Variants in MBNL1 observed in about 807,000 individuals in gnomAD.
MBNL1 encodes the protein muscleblind like splicing regulator 1.
In MBNL1, 8 loss-of-function variants were observed where a neutral mutation model predicts 42.2. That is an observed-to-expected ratio of 0.19 (90% CI 0.11 to 0.34). The LOEUF is 0.34. Among genes scored for constraint, MBNL1 ranks in the 10% least tolerant of loss-of-function variants. The probability of loss-of-function intolerance (pLI) is 1.00; values close to 1 mark genes in which losing one functional copy is unlikely to be tolerated. For missense variants in MBNL1, 309 were observed against 495.3 expected (o/e 0.62, Z 3.57); for synonymous variants, 169 against 173.9 (o/e 0.97, Z 0.22).
intron 1 of MBNL1, among the ~76,000 whole-genome samples, chr3:152,276,909 A>G (rs2045559417): frequency 6.6e-6 from 1 of 152,140 alleles, no homozygotes; most frequent in Admixed American, 6.6e-5. Flanking sequence ...GAGTGGCCCT[A>G]GAATGAAAAG....
chr3:152,441,094 G>A (rs1348287567), intron 4 of MBNL1, among the ~76,000 whole-genome samples: 1 of 152,106 alleles, frequency 6.6e-6, no homozygotes, highest in Non-Finnish European at 1.5e-5. Context: ...AGATGACTGA[G>A]TTAATTATAC....
intron 4 of MBNL1, among the ~76,000 whole-genome samples, chr3:152,434,638 A>G (rs1039575902): frequency 6.6e-6 from 1 of 152,184 alleles, no homozygotes; most frequent in Non-Finnish European, 1.5e-5. Context: ...GTGTTCCACA[A>G]TGGTTGAATT....
At chr3:152,458,116 G>A (rs1737398643) in intron 8 of MBNL1, 1 of 1,613,104 alleles carries the variant, frequency 6.2e-7, no homozygotes, top group Non-Finnish European at 8.5e-7. Flanking sequence ...AAGGTCCTTG[G>A]TATGTTTCGA....
At chr3:152,284,479 C>A in intron 1 of MBNL1, among the ~76,000 whole-genome samples, 1 of 151,870 alleles carries the variant, frequency 6.6e-6, no homozygotes, top group East Asian at 1.9e-4. Flanking sequence ...CATTTCAAAC[C>A]CTCAGTGCTT....
intron 6 of MBNL1, among the ~76,000 whole-genome samples, chr3:152,449,878 G>A (rs150403847): frequency 0.033 from 5,072 of 152,166 alleles, 288 homozygotes; most frequent in African/African-American, 0.12. Context: ...GCCGAGGCAG[G>A]TGGCTCACTT....
chr3:152,404,607 TAA>T (rs1379619597), intron 2 of MBNL1, among the ~76,000 whole-genome samples: 1 of 151,944 alleles, frequency 6.6e-6, no homozygotes, highest in East Asian at 1.9e-4. Context: ...TATTTCTCAA[TAA>T]AGACTTGCCC....
chr3:152,284,616 T>C (rs1036526377), intron 1 of MBNL1, among the ~76,000 whole-genome samples: 1 of 152,138 alleles, frequency 6.6e-6, no homozygotes, highest in African/African-American at 2.4e-5. Context: ...AAAATTGGCC[T>C]GACTATATTG....
intron 2 of MBNL1, among the ~76,000 whole-genome samples, chr3:152,307,191 T>A (rs761708284): frequency 1.3e-5 from 2 of 152,218 alleles, no homozygotes; most frequent in African/African-American, 2.4e-5. Context: ...GGTTTCACCG[T>A]GTTGGCCAGG....
At chr3:152,318,875 C>T (rs1006686871) in intron 2 of MBNL1, among the ~76,000 whole-genome samples, 5 of 152,138 alleles carry the variant, frequency 3.3e-5, no homozygotes, top group Non-Finnish European at 7.4e-5. Context: ...ATTGTAATAT[C>T]CTGCCTATTT....
chr3:152,372,348 G>T (rs2096704265), intron 2 of MBNL1, among the ~76,000 whole-genome samples: 1 of 152,178 alleles, frequency 6.6e-6, no homozygotes, highest in African/African-American at 2.4e-5. Context: ...CTGGCGAGGA[G>T]TTATGATCCC....
At chr3:152,335,408 A>G (rs2089137317) in intron 2 of MBNL1, among the ~76,000 whole-genome samples, 1 of 152,220 alleles carries the variant, frequency 6.6e-6, no homozygotes, top group African/African-American at 2.4e-5. Context: ...GATTCTGTAT[A>G]TGTTCCATAA....
intron 2 of MBNL1, among the ~76,000 whole-genome samples, chr3:152,402,384 A>G (rs557545828): frequency 1.3e-5 from 2 of 152,298 alleles, no homozygotes; most frequent in East Asian, 3.9e-4. Context: ...ATGAGGTTTA[A>G]TAATTAACCC....
At chr3:152,317,865 C>G (rs1228180572) in intron 2 of MBNL1, among the ~76,000 whole-genome samples, 13 of 152,288 alleles carry the variant, frequency 8.5e-5, no homozygotes. Context: ...TGGTCATTTA[C>G]CTTTTAATTG....
At chr3:152,348,283 A>G (rs1003950118) in intron 2 of MBNL1, among the ~76,000 whole-genome samples, 10 of 152,172 alleles carry the variant, frequency 6.6e-5, no homozygotes, top group Non-Finnish European at 1.2e-4. Flanking sequence ...ATTTGCTCAA[A>G]CAGGTGGATA....
chr3:152,348,457 A>T (rs927404074), intron 2 of MBNL1, among the ~76,000 whole-genome samples: 4 of 152,124 alleles, frequency 2.6e-5, no homozygotes, highest in African/African-American at 9.7e-5. Flanking sequence ...CAAAGAATTC[A>T]CTTAAAGAAC....
chr3:152,349,573 T>A (rs985495708), intron 2 of MBNL1, among the ~76,000 whole-genome samples: 1 of 152,152 alleles, frequency 6.6e-6, no homozygotes, highest in African/African-American at 2.4e-5. Context: ...ATCACTCAAC[T>A]GGAAGTGCTG....
At chr3:152,273,749 A>G (rs2043257206) in intron 1 of MBNL1, among the ~76,000 whole-genome samples, 1 of 152,192 alleles carries the variant, frequency 6.6e-6, no homozygotes, top group South Asian at 2.1e-4. Flanking sequence ...TATCATGCTC[A>G]TATGCTCCAA....
chr3:152,366,028 C>G (rs2096344011), intron 2 of MBNL1, among the ~76,000 whole-genome samples: 1 of 152,036 alleles, frequency 6.6e-6, no homozygotes, highest in Non-Finnish European at 1.5e-5. Flanking sequence ...ATTTCAGGAG[C>G]CTTCATTTCT....
Position 152,282,196 on chromosome 3 carries a change from A to G in MBNL1, c.-790+13104A>G, listed in dbSNP as rs2048897590. On this transcript the variant is annotated intron_variant, in intron 1 of 9. Transcript: ENST00000324210. ...TGAAAATATAGTATCCACAGACCCT[A>G]ATTAGAAACAAAATAAAGGTATTCT... is the stretch of plus-strand genomic sequence containing the variant. 2.6e-5 allele frequency among the ~76,000 whole-genome samples: 4 copies of G among 152,300 alleles called. No individual in the cohort carries two copies. The South Asian group carries it at 8.3e-4, about 32-fold the overall frequency.
Sources: allele counts gnomAD v4.1 joint callset (sites outside exome capture counted in the v4.1 genomes callset), GRCh38; gene constraint gnomAD v4.1.1; transcripts MANE v1.5; gene names NCBI Gene and HGNC (gene_info 2026-07-23, HGNC 2026-07-21).